The following SCML4 variants were observed in gnomAD, a reference collection of about 807,000 sequenced individuals.
SCML4 encodes Scm polycomb group protein like 4.
In SCML4, 34 loss-of-function variants were observed where a neutral mutation model predicts 41.1. That is an observed-to-expected ratio of 0.83 (90% CI 0.63 to 1.10). The LOEUF (loss-of-function observed/expected upper bound fraction) is 1.10. Ranked by LOEUF, SCML4 falls within the 50% of genes least tolerant of loss-of-function variation. SCML4 has a pLI of 0.00. For synonymous variants in SCML4, 214 were observed against 220.9 expected (o/e 0.97, Z 0.28); for missense variants, 522 against 534.1 (o/e 0.98, Z 0.22).
intron 1 of SCML4, among the ~76,000 whole-genome samples, chr6:107,799,738 T>C (rs1026070954): frequency 2.6e-5 from 4 of 152,182 alleles, no homozygotes; most frequent in African/African-American, 7.2e-5. Context: ...TTATACTTTG[T>C]TCTTCAGTGG....
intron 5 of SCML4, among the ~76,000 whole-genome samples, chr6:107,730,691 G>A (rs909727120): frequency 9.9e-5 from 15 of 152,192 alleles, no homozygotes; most frequent in Admixed American, 2.6e-4. Context: ...AAGGTTTGGC[G>A]TCCTGGGAGC....
chr6:107,746,965 G>T (rs906731160), intron 3 of SCML4, 76 bp from the exon 4 acceptor site: 3 of 1,266,656 alleles, frequency 2.4e-6, no homozygotes, highest in Non-Finnish European at 3.3e-6. Flanking sequence ...TGTACACGGG[G>T]GATGCCTCAG....
chr6:107,816,797 T>C (rs1202744299), intron 1 of SCML4, among the ~76,000 whole-genome samples: 2 of 152,240 alleles, frequency 1.3e-5, no homozygotes, highest in Non-Finnish European at 2.9e-5. Flanking sequence ...CCTTCAAACA[T>C]ATTGTTTCAG....
chr6:107,760,338 G>C (rs904066110), intron 2 of SCML4, among the ~76,000 whole-genome samples: 2 of 152,164 alleles, frequency 1.3e-5, no homozygotes, highest in African/African-American at 4.8e-5. Context: ...TGGGCCATGG[G>C]CATTGCTATG....
Position 107,789,605 on chromosome 6 carries a change from A to G in SCML4, c.-59-17219T>C, listed in dbSNP as rs138226645. Among the ~76,000 whole-genome samples the G allele has an allele frequency of 1.9e-3, 287 of 152,352 alleles. 2 individuals carry two copies. The highest frequency in any genetic ancestry group is 6.6e-3 in the African/African-American group (274 of 41,590). ...CAGCCACCACACACACTTAGTCCAGACAAAGACAGTGGCCAATAATCACAA... is the reference window on the plus strand; with the variant it reads ...CAGCCACCACACACACTTAGTCCAGGCAAAGACAGTGGCCAATAATCACAA... On this transcript the variant is annotated intron_variant, in intron 1 of 7. Transcript: ENST00000369020.
At chr6:107,754,085 C>T (rs1486471589) in intron 2 of SCML4, among the ~76,000 whole-genome samples, 3 of 152,238 alleles carry the variant, frequency 2.0e-5, no homozygotes, top group Admixed American at 2.0e-4. Context: ...ACTGAGGGGG[C>T]ACTGGGATGT....
chr6:107,817,982 T>G (rs1784676887), intron 1 of SCML4, among the ~76,000 whole-genome samples: 1 of 152,190 alleles, frequency 6.6e-6, no homozygotes, highest in African/African-American at 2.4e-5. Flanking sequence ...CCTCTTTATT[T>G]ATGTTAAGTC....
intron 1 of SCML4, among the ~76,000 whole-genome samples, chr6:107,811,853 C>T (rs1191170788): frequency 2.0e-5 from 3 of 152,194 alleles, no homozygotes; most frequent in Non-Finnish European, 4.4e-5. Flanking sequence ...TCCTTTATGG[C>T]TGTGAGACAT....
At chr6:107,817,201 A>G (rs888198212) in intron 1 of SCML4, among the ~76,000 whole-genome samples, 1 of 152,228 alleles carries the variant, frequency 6.6e-6, no homozygotes, top group African/African-American at 2.4e-5. Flanking sequence ...TTATACTTCC[A>G]GTTAATCTCA....
At chr6:107,816,061 C>A (rs1030223386) in intron 1 of SCML4, among the ~76,000 whole-genome samples, 1 of 152,170 alleles carries the variant, frequency 6.6e-6, no homozygotes, top group Non-Finnish European at 1.5e-5. Flanking sequence ...GACACGGACG[C>A]CCCGGCCACT....
At chr6:107,785,086 G>A (rs528377700) in intron 1 of SCML4, among the ~76,000 whole-genome samples, 148 of 152,310 alleles carry the variant, frequency 9.7e-4, no homozygotes, top group African/African-American at 3.5e-3. Flanking sequence ...TCAACTCCCT[G>A]TTAAACAAAG....
intron 1 of SCML4, among the ~76,000 whole-genome samples, chr6:107,773,589 C>CAAAAAAAAAA (rs5878938): frequency 2.6e-5 from 2 of 76,978 alleles, no homozygotes; most frequent in African/African-American, 9.7e-5. Context: ...AAGACTGTCT[C>CAAAAAAAAAA]AAAAAAAAAA....
intron 1 of SCML4, among the ~76,000 whole-genome samples, chr6:107,778,601 G>T (rs535963415): frequency 6.6e-6 from 1 of 152,140 alleles, no homozygotes; most frequent in South Asian, 2.1e-4. Context: ...GAGTAACTAA[G>T]ATCTGTTCTA....
intron 1 of SCML4, among the ~76,000 whole-genome samples, chr6:107,776,019 T>C (rs1780915139): frequency 6.6e-6 from 1 of 151,992 alleles, no homozygotes; most frequent in South Asian, 2.1e-4. Context: ...CACTTAAATA[T>C]ACATAAAAAA....
chr6:107,746,467 C>G (rs2114497032), intron 4 of SCML4: 1 of 476,628 alleles, frequency 2.1e-6, no homozygotes, highest in Non-Finnish European at 3.7e-6. Context: ...GGAGAAGAGT[C>G]AAGATGAGGA....
At chr6:107,757,117 G>C (rs1320985285) in intron 2 of SCML4, among the ~76,000 whole-genome samples, 1 of 152,226 alleles carries the variant, frequency 6.6e-6, no homozygotes, top group Non-Finnish European at 1.5e-5. Context: ...CACCAGGGGG[G>C]CTGGGGAATC....
the SCML4 span, among the ~76,000 whole-genome samples, chr6:107,845,970 G>C: frequency 1.6e-4 from 24 of 152,278 alleles, no homozygotes; most frequent in South Asian, 8.3e-4. Flanking sequence ...GGAGACAAGT[G>C]GGCCTCTGAT....
Position 107,771,006 on chromosome 6 carries a change from T to A in SCML4, c.156+1166A>T, listed in dbSNP as rs150661971. ...TTAAGAGAGAGTTCTAAAGCTGGCA[T>A]GCACATGAAAGAAAGGAGATTCTTG... On this transcript the variant is annotated intron_variant, in intron 2 of 7. Transcript: ENST00000369020. Among the ~76,000 whole-genome samples, 492 of 152,258 alleles carry A rather than the reference T, an allele frequency of 3.2e-3. 3 individuals are homozygous for A. The highest frequency in any genetic ancestry group is 0.014 in the East Asian group (72 of 5,170).
intron 5 of SCML4, among the ~76,000 whole-genome samples, chr6:107,732,696 G>T (rs1039030928): frequency 6.6e-6 from 1 of 152,078 alleles, no homozygotes; most frequent in African/African-American, 2.4e-5. Flanking sequence ...CCCTCCATAT[G>T]ATCTCGCAGC....
Sources: gnomAD v4.1 joint callset for allele counts (sites outside exome capture counted in the v4.1 genomes callset) on GRCh38, gnomAD v4.1.1 for gene constraint, MANE v1.5 for transcripts, NCBI Gene and HGNC (gene_info 2026-07-23, HGNC 2026-07-21) for gene names.